Variants in AGBL1 observed in about 807,000 individuals in gnomAD.
AGBL1 encodes the protein cytosolic carboxypeptidase 4.
AGBL1 carries 130 observed loss-of-function variants against 118.9 expected under a neutral mutation model. That is an observed-to-expected ratio of 1.09 (90% CI 0.95 to 1.26). The LOEUF (loss-of-function observed/expected upper bound fraction) is 1.26, where lower values mean the gene tolerates loss of function less well. Among genes scored for constraint, AGBL1 ranks in the 50% most tolerant of loss-of-function variants. AGBL1 has a pLI of 0.00. For synonymous variants in AGBL1, 555 were observed against 478.9 expected (o/e 1.16, Z -2.08); for missense variants, 1,584 against 1,298.1 (o/e 1.22, Z -3.38).
chr15:86,713,887 A>T (rs1262087354), intron 22 of AGBL1, among the ~76,000 whole-genome samples: 2 of 152,220 alleles, frequency 1.3e-5, no homozygotes, highest in Non-Finnish European at 2.9e-5. Flanking sequence ...CTAATTAAAG[A>T]GCATTTGACC....
At chr15:86,290,658 C>T (rs905001730) in intron 16 of AGBL1, among the ~76,000 whole-genome samples, 3 of 151,028 alleles carry the variant, frequency 2.0e-5, no homozygotes, top group Non-Finnish European at 4.4e-5. Context: ...GGGCCAAGTC[C>T]TTATTTTCTT....
intron 22 of AGBL1, among the ~76,000 whole-genome samples, chr15:86,755,284 A>G (rs2077918999): frequency 6.6e-6 from 1 of 152,138 alleles, no homozygotes; most frequent in Non-Finnish European, 1.5e-5. Context: ...AACACTCTAC[A>G]GTATAGAATG....
intron 18 of AGBL1, among the ~76,000 whole-genome samples, chr15:86,520,281 A>G (rs2083171333): frequency 6.6e-6 from 1 of 152,172 alleles, no homozygotes; most frequent in African/African-American, 2.4e-5. Flanking sequence ...AGTATATGAT[A>G]TTTCTCTATA....
chr15:86,236,632 T>C (rs1047187213), intron 6 of AGBL1, among the ~76,000 whole-genome samples: 1 of 151,730 alleles, frequency 6.6e-6, no homozygotes, highest in Non-Finnish European at 1.5e-5. Context: ...TAAAACGACA[T>C]GAACACACAT....
chr15:86,877,122 C>T (rs576743761), intron 22 of AGBL1, among the ~76,000 whole-genome samples: 13 of 152,222 alleles, frequency 8.5e-5, no homozygotes, highest in Admixed American at 4.6e-4. Flanking sequence ...CAAATTCCAA[C>T]CTTTCTCTGT....
At chr15:86,539,580 G>A (rs1040187560) in intron 19 of AGBL1, among the ~76,000 whole-genome samples, 6 of 152,144 alleles carry the variant, frequency 3.9e-5, no homozygotes, top group South Asian at 2.1e-4. Flanking sequence ...GTGCATTAAC[G>A]ATCTGACCAC....
intron 18 of AGBL1, among the ~76,000 whole-genome samples, chr15:86,439,140 T>C (rs1399581084): frequency 6.6e-6 from 1 of 152,116 alleles, no homozygotes; most frequent in Middle Eastern, 3.2e-3. Flanking sequence ...GGGAGCAGCA[T>C]CTCATCTCCT....
intron 23 of AGBL1, among the ~76,000 whole-genome samples, chr15:86,941,785 A>G (rs115472835): frequency 0.012 from 1,817 of 152,316 alleles, 27 homozygotes; most frequent in African/African-American, 0.04. Flanking sequence ...CTGCCATGCA[A>G]TGCAGAGCCT....
intron 21 of AGBL1, among the ~76,000 whole-genome samples, chr15:86,642,026 T>C (rs2085199667): frequency 6.6e-6 from 1 of 152,184 alleles, no homozygotes; most frequent in African/African-American, 2.4e-5. Context: ...ATGAGAAAAG[T>C]GTAAGAGTAG....
intron 1 of AGBL1, among the ~76,000 whole-genome samples, chr15:86,111,059 A>G (rs1897352126): frequency 6.6e-6 from 1 of 152,220 alleles, no homozygotes; most frequent in South Asian, 2.1e-4. Flanking sequence ...TTACCCAGGC[A>G]TTTCTCTTTT....
At chr15:86,638,753 C>T (rs1343987005) in intron 21 of AGBL1, among the ~76,000 whole-genome samples, 1 of 152,176 alleles carries the variant, frequency 6.6e-6, no homozygotes, top group African/African-American at 2.4e-5. Flanking sequence ...TCTGCAATTG[C>T]TGAGTAACAA....
chr15:86,462,155 G>A (rs2082342181), intron 18 of AGBL1, among the ~76,000 whole-genome samples: 1 of 152,150 alleles, frequency 6.6e-6, no homozygotes, highest in Non-Finnish European at 1.5e-5. Context: ...AGAGATCTAG[G>A]TTGAAATTCT....
At chr15:86,926,582 G>T (rs897278199) in intron 23 of AGBL1, among the ~76,000 whole-genome samples, 1 of 152,214 alleles carries the variant, frequency 6.6e-6, no homozygotes, top group South Asian at 2.1e-4. Context: ...AAGTGACTTG[G>T]TGTGAAAGCT....
chr15:86,915,041 G>C lies in AGBL1; in HGVS notation c.*7747G>C, dbSNP rs3743039. 6.6e-6 allele frequency: 1 copy of C among 152,054 alleles called. No individual in the cohort carries two copies. Among genetic ancestry groups the C allele is most frequent in the East Asian group, 1.9e-4 (1 of 5,174 alleles). 9.4% of individuals were successfully genotyped at this position (152,054 alleles called of 1,614,324 possible). A position where few individuals can be genotyped will look rare whatever the true frequency, so the allele number is the denominator to read the frequency against. On this transcript the variant is annotated 3_prime_UTR_variant, in exon 23 of 23. Transcript: ENST00000614907. ...TTGATTTATTTGTGTGCCAGATGCA[G>C]AGCTCACTGTCTGGCCGAGGCAGGT...
At chr15:86,182,431 A>G (rs2077566710) in intron 5 of AGBL1, among the ~76,000 whole-genome samples, 2 of 152,008 alleles carry the variant, frequency 1.3e-5, no homozygotes, top group South Asian at 4.2e-4. Context: ...GTATCTAACT[A>G]TATATTTCTC....
At chr15:86,614,720 T>A (rs2084698839) in intron 21 of AGBL1, among the ~76,000 whole-genome samples, 2 of 152,186 alleles carry the variant, frequency 1.3e-5, no homozygotes, top group Non-Finnish European at 2.9e-5. Flanking sequence ...AGAACAGTGT[T>A]ATTTAGAACA....
chr15:86,744,776 T>C (rs1178657555), intron 22 of AGBL1, among the ~76,000 whole-genome samples: 1 of 152,192 alleles, frequency 6.6e-6, no homozygotes, highest in Non-Finnish European at 1.5e-5. Context: ...TTTCTATCAG[T>C]TGAGTTAATA....
chr15:86,536,820 ATACATAGAGAT>A (rs1336087640), intron 19 of AGBL1, among the ~76,000 whole-genome samples: 1 of 152,210 alleles, frequency 6.6e-6, no homozygotes, highest in East Asian at 1.9e-4. Flanking sequence ...AAAGCAAGAA[ATACATAGAGAT>A]GGGGCCACAG....
At chr15:86,555,505 C>T (rs888859871) in intron 21 of AGBL1, among the ~76,000 whole-genome samples, 4 of 152,104 alleles carry the variant, frequency 2.6e-5, no homozygotes, top group East Asian at 1.9e-4. Context: ...TCAGAGCTAC[C>T]GAACCACCCT....
Sources: allele counts gnomAD v4.1 joint callset (sites outside exome capture counted in the v4.1 genomes callset), GRCh38; gene constraint gnomAD v4.1.1; transcripts MANE v1.5; gene names NCBI Gene and HGNC (gene_info 2026-07-23, HGNC 2026-07-21).